HHAT: variants seen among roughly 807,000 people sequenced by gnomAD.
HHAT encodes protein-cysteine N-palmitoyltransferase HHAT.
In HHAT, 47 loss-of-function variants were observed where a neutral mutation model predicts 70.8. That is an observed-to-expected ratio of 0.66 (90% CI 0.53 to 0.85). The LOEUF is 0.85. Among genes scored for constraint, HHAT ranks in the 40% least tolerant of loss-of-function variants. The probability of loss-of-function intolerance (pLI) is 0.00; values close to 1 mark genes in which losing one functional copy is unlikely to be tolerated. For synonymous variants in HHAT, 228 were observed against 247.6 expected (o/e 0.92, Z 0.74); for missense variants, 609 against 604.8 (o/e 1.01, Z -0.07).
intron 1 of HHAT, 25 bp downstream of exon 1, chr1:210,329,129 G>A (rs1241000071): frequency 2.3e-6 from 3 of 1,322,154 alleles, no homozygotes; most frequent in South Asian, 2.0e-5. Flanking sequence ...ACCATAGGGG[G>A]TCCTGGGGAG....
At chr1:210,513,659 G>C (rs1203232766) in intron 9 of HHAT, among the ~76,000 whole-genome samples, 1 of 152,164 alleles carries the variant, frequency 6.6e-6, no homozygotes, top group African/African-American at 2.4e-5. Context: ...TTTTACCAGA[G>C]TTGGCTTATG....
At chr1:210,486,957 GA>G (rs1442038496) in intron 8 of HHAT, among the ~76,000 whole-genome samples, 5 of 152,108 alleles carry the variant, frequency 3.3e-5, no homozygotes, top group Non-Finnish European at 2.9e-5. Flanking sequence ...GAAAAGGAGG[GA>G]TAATGAAGTC....
intron 6 of HHAT, among the ~76,000 whole-genome samples, chr1:210,407,761 G>T (rs2092390367): frequency 6.6e-6 from 1 of 152,182 alleles, no homozygotes; most frequent in Non-Finnish European, 1.5e-5. Context: ...GATCCTGGGG[G>T]ACTTAGGGAA....
intron 9 of HHAT, among the ~76,000 whole-genome samples, chr1:210,548,250 A>C (rs908727842): frequency 6.6e-6 from 1 of 152,208 alleles, no homozygotes; most frequent in Non-Finnish European, 1.5e-5. Flanking sequence ...CTGAGCCAAC[A>C]ACTGTCTGGT....
At chr1:210,459,335 G>A (rs974412455) in intron 7 of HHAT, among the ~76,000 whole-genome samples, 6 of 152,072 alleles carry the variant, frequency 3.9e-5, no homozygotes, top group South Asian at 2.1e-4. Flanking sequence ...TTCCTACTGC[G>A]GTATAAGGTG....
intron 1 of HHAT, among the ~76,000 whole-genome samples, chr1:210,338,994 T>G (rs1416030): frequency 0.036 from 5,461 of 152,086 alleles, 145 homozygotes; most frequent in Non-Finnish European, 0.055. Flanking sequence ...CAATGAGCTA[T>G]GATCACGCCA....
intron 10 of HHAT, chr1:210,589,088 G>A (rs1017151450): frequency 6.6e-6 from 1 of 152,162 alleles, no homozygotes; most frequent in African/African-American, 2.4e-5. Flanking sequence ...AAAAAGAAAT[G>A]TGCTGGCATC....
chr1:210,609,564 A>C (rs939679452), intron 10 of HHAT, among the ~76,000 whole-genome samples: 1 of 152,068 alleles, frequency 6.6e-6, no homozygotes, highest in African/African-American at 2.4e-5. Flanking sequence ...GATTTATTAT[A>C]TAGGTAGATG....
intron 8 of HHAT, among the ~76,000 whole-genome samples, chr1:210,481,990 A>C (rs1325175674): frequency 1.3e-5 from 2 of 152,166 alleles, no homozygotes; most frequent in Non-Finnish European, 2.9e-5. Context: ...TGGAGTGAGC[A>C]GGAGAGTGGC....
At chr1:210,564,086 T>TGG (rs1342789192) in intron 9 of HHAT, among the ~76,000 whole-genome samples, 5 of 151,146 alleles carry the variant, frequency 3.3e-5, no homozygotes, top group African/African-American at 1.2e-4. Flanking sequence ...CCTGAGTAGC[T>TGG]GGGGTTACAG....
At chr1:210,330,027 G>A (rs1236016414) in intron 1 of HHAT, among the ~76,000 whole-genome samples, 2 of 152,210 alleles carry the variant, frequency 1.3e-5, no homozygotes, top group South Asian at 2.1e-4. Flanking sequence ...GATTACAGGC[G>A]TGAGCCACCG....
chr1:210,488,009 G>T (rs780341945), intron 8 of HHAT, among the ~76,000 whole-genome samples: 4 of 152,074 alleles, frequency 2.6e-5, no homozygotes, highest in Non-Finnish European at 5.9e-5. Flanking sequence ...CAATCATCTG[G>T]CTGCTTCCTC....
Position 210,418,010 on chromosome 1 carries a change from T to C in HHAT, c.685-144T>C, listed in dbSNP as rs77380583. On this transcript the variant is annotated intron_variant, in intron 6 of 11. Transcript: ENST00000261458. ...ATACGATTCTTCCAACCAAGAACATTGAGTGTTCCCAAGACAAACCAAACC... is the reference window on the plus strand; with the variant it reads ...ATACGATTCTTCCAACCAAGAACATCGAGTGTTCCCAAGACAAACCAAACC... 707 of 737,612 alleles carry C rather than the reference T, an allele frequency of 9.6e-4. 2 individuals are homozygous for C. In the African/African-American group the frequency reaches 0.011, roughly 11 times the overall value. The allele number at this position is 737,612 out of a possible 1,614,324, so 45.7% of individuals were successfully genotyped here.
intron 7 of HHAT, among the ~76,000 whole-genome samples, chr1:210,426,361 G>T (rs2093060957): frequency 6.6e-6 from 1 of 152,168 alleles, no homozygotes; most frequent in African/African-American, 2.4e-5. Context: ...GCCCCAGCCA[G>T]AACTTCCAAT....
intron 2 of HHAT, among the ~76,000 whole-genome samples, chr1:210,354,542 AAGAG>A (rs1156977427): frequency 3.9e-5 from 6 of 152,126 alleles, no homozygotes; most frequent in African/African-American, 1.2e-4. Flanking sequence ...ATTTTATAAA[AAGAG>A]AGACAAGCTC....
At chr1:210,556,415 C>A (rs577137156) in intron 9 of HHAT, among the ~76,000 whole-genome samples, 253 of 152,306 alleles carry the variant, frequency 1.7e-3, no homozygotes, top group Non-Finnish European at 3.2e-3. Flanking sequence ...TTGTTAGGTG[C>A]ATGAATATAT....
At chr1:210,578,097 TCCACCA>T (rs1658334514) in intron 9 of HHAT, among the ~76,000 whole-genome samples, 1 of 152,208 alleles carries the variant, frequency 6.6e-6, no homozygotes, top group Non-Finnish European at 1.5e-5. Context: ...TTTGGTAGAA[TCCACCA>T]GTGAAGACAT....
At chr1:210,335,318 G>A (rs1466941628) in intron 1 of HHAT, among the ~76,000 whole-genome samples, 15 of 145,702 alleles carry the variant, frequency 1.0e-4, no homozygotes, top group Non-Finnish European at 9.0e-5. Context: ...CATTCATGAT[G>A]AAAAAAAAAA....
chr1:210,418,850 A>G (rs4845019), intron 7 of HHAT, among the ~76,000 whole-genome samples: 1 of 151,900 alleles, frequency 6.6e-6, no homozygotes, highest in African/African-American at 2.4e-5. Flanking sequence ...CTGGCCAAGA[A>G]GGTGAAATCA....
Sources: gnomAD v4.1 joint callset for allele counts (sites outside exome capture counted in the v4.1 genomes callset) on GRCh38, gnomAD v4.1.1 for gene constraint, MANE v1.5 for transcripts, NCBI Gene and HGNC (gene_info 2026-07-23, HGNC 2026-07-21) for gene names.